Variants in APBA2 observed in about 807,000 individuals in gnomAD.
The protein encoded by APBA2 is amyloid-beta A4 precursor protein-binding family A member 2.
APBA2 carries 30 observed loss-of-function variants against 75.0 expected under a neutral mutation model. The ratio of observed to expected loss-of-function variants is 0.40; its 90% confidence interval spans 0.30 to 0.54. The LOEUF (loss-of-function observed/expected upper bound fraction) is 0.54, where lower values mean the gene tolerates loss of function less well. APBA2 is among the 20% of genes least tolerant of loss of function. APBA2 has a pLI of 0.49. For synonymous variants in APBA2, 444 were observed against 409.6 expected (o/e 1.08, Z -1.01); for missense variants, 801 against 1,016.1 (o/e 0.79, Z 2.88).
intron 1 of APBA2, among the ~76,000 whole-genome samples, chr15:28,898,038 T>TG: frequency 1.3e-5 from 2 of 152,230 alleles, no homozygotes; most frequent in Middle Eastern, 3.4e-3. Context: ...ATTGGAGTGA[T>TG]GCGGCCACAG....
At chr15:28,958,393 A>C (rs2036285753) in intron 2 of APBA2, among the ~76,000 whole-genome samples, 1 of 152,250 alleles carries the variant, frequency 6.6e-6, no homozygotes, top group South Asian at 2.1e-4. Flanking sequence ...GCCTGTCCTC[A>C]CTGATCCAGG....
chr15:28,887,585 CTG>C (rs1484797067), intron 1 of APBA2, among the ~76,000 whole-genome samples: 1 of 152,164 alleles, frequency 6.6e-6, no homozygotes, highest in Non-Finnish European at 1.5e-5. Flanking sequence ...GCCCTGCCCT[CTG>C]TGCTGATTCC....
At chr15:29,042,938 C>T (rs958139322) in intron 3 of APBA2, among the ~76,000 whole-genome samples, 1 of 152,092 alleles carries the variant, frequency 6.6e-6, no homozygotes, top group Non-Finnish European at 1.5e-5. Flanking sequence ...TGTTCAGTTG[C>T]CCTCTTATCT....
rs111409231 is a variant in APBA2 at position 29,025,489 on chromosome 15, G to A, written c.-40-28356G>A. On this transcript the variant is annotated intron_variant, in intron 3 of 14. Coordinates refer to ENST00000683413, the MANE Select transcript of APBA2 (RefSeq NM_001353788.2). ...TCACCGTGTTAGCCAGGATGGTCTCGATTCGATCTCTTGACCTTGTGATCC... is the reference window on the plus strand; with the variant it reads ...TCACCGTGTTAGCCAGGATGGTCTCAATTCGATCTCTTGACCTTGTGATCC... 0.014 allele frequency among the ~76,000 whole-genome samples: 1,099 copies of A among 75,928 alleles called. 19 individuals carry two copies. The African/African-American group carries it at 0.29, about 20-fold the overall frequency. The allele number at this position is 75,928 out of a possible 152,430, so 49.8% of individuals were successfully genotyped here. A position where few individuals can be genotyped will look rare whatever the true frequency, so the allele number is the denominator to read the frequency against.
intron 2 of APBA2, among the ~76,000 whole-genome samples, chr15:28,941,850 G>T (rs926424046): frequency 1.3e-5 from 2 of 152,100 alleles, no homozygotes; most frequent in Non-Finnish European, 2.9e-5. Context: ...TCCGCCTCCC[G>T]GGTTCACACC....
chr15:29,016,607 A>C (rs1401629807), intron 3 of APBA2, among the ~76,000 whole-genome samples: 1 of 152,182 alleles, frequency 6.6e-6, no homozygotes, highest in Admixed American at 6.5e-5. Context: ...GAGCCAGGGG[A>C]AAACTGGGAA....
chr15:29,069,147 C>T (rs2042508245), intron 4 of APBA2, among the ~76,000 whole-genome samples: 1 of 152,202 alleles, frequency 6.6e-6, no homozygotes, highest in East Asian at 1.9e-4. Context: ...ATTTCATCAT[C>T]ATGTTTTCAG....
At chr15:29,091,909 A>G (rs2043591876) in intron 6 of APBA2, among the ~76,000 whole-genome samples, 1 of 152,064 alleles carries the variant, frequency 6.6e-6, no homozygotes, top group African/African-American at 2.4e-5. Flanking sequence ...CTGGAGCAGG[A>G]GGGGAGCCAG....
intron 1 of APBA2, among the ~76,000 whole-genome samples, chr15:28,895,840 T>C (rs140276813): frequency 0.55 from 83,987 of 151,848 alleles, 24,223 homozygotes; most frequent in African/African-American, 0.71. Context: ...AGGCTGGGCA[T>C]GGTGGTTCAT....
chr15:28,968,763 C>CAGGCCCT (rs944158906), intron 2 of APBA2, among the ~76,000 whole-genome samples: 8 of 152,154 alleles, frequency 5.3e-5, no homozygotes, highest in Admixed American at 4.6e-4. Flanking sequence ...GTCATTAGGG[C>CAGGCCCT]AGGCCCTAAT....
chr15:29,062,466 CTTG>C (rs1320032420), intron 4 of APBA2, among the ~76,000 whole-genome samples: 1 of 152,146 alleles, frequency 6.6e-6, no homozygotes, highest in African/African-American at 2.4e-5. Flanking sequence ...AGCTTCTGAA[CTTG>C]ATGTTCAGAA....
intron 1 of APBA2, among the ~76,000 whole-genome samples, chr15:28,911,552 A>G (rs560266185): frequency 6.6e-6 from 1 of 152,256 alleles, no homozygotes; most frequent in East Asian, 1.9e-4. Flanking sequence ...TCTCATTTAC[A>G]TGTCTCTGGA....
chr15:28,905,726 A>G (rs542618717), intron 1 of APBA2, among the ~76,000 whole-genome samples: 1 of 152,244 alleles, frequency 6.6e-6, no homozygotes, highest in African/African-American at 2.4e-5. Context: ...TCTTCTAGCA[A>G]TTATCTTGTA....
Position 29,025,206 on chromosome 15 carries a change from G to T in APBA2, c.-40-28639G>T, listed in dbSNP as rs146998608. ...TGAACTTCTGTTAACCTCAAAAGGGGAAAGCACCAGGTTCAAGGCTGAAGA... is the reference window on the plus strand; with the variant it reads ...TGAACTTCTGTTAACCTCAAAAGGGTAAAGCACCAGGTTCAAGGCTGAAGA... On this transcript the variant is annotated intron_variant, in intron 3 of 14. Transcript: ENST00000683413. Among the ~76,000 whole-genome samples the T allele has an allele frequency of 5.3e-3, 801 of 152,048 alleles. 10 individuals are homozygous for T. The highest frequency in any genetic ancestry group is 0.019 in the African/African-American group (773 of 41,480).
chr15:28,976,833 TA>T (rs1203430615), intron 2 of APBA2, among the ~76,000 whole-genome samples: 1 of 152,224 alleles, frequency 6.6e-6, no homozygotes, highest in Non-Finnish European at 1.5e-5. Context: ...ATTAGACCCA[TA>T]ACATTCAGCA....
At chr15:29,076,252 C>T (rs1451389952) in intron 6 of APBA2, among the ~76,000 whole-genome samples, 161 bp downstream of exon 6, 1 of 152,196 alleles carries the variant, frequency 6.6e-6, no homozygotes, top group African/African-American at 2.4e-5. Flanking sequence ...TGTGTAGCCC[C>T]ACTTAGTGGG....
intron 3 of APBA2, among the ~76,000 whole-genome samples, chr15:29,033,374 G>A (rs1457623528): frequency 6.6e-6 from 1 of 152,052 alleles, no homozygotes; most frequent in African/African-American, 2.4e-5. Context: ...TGTATTAATA[G>A]TTCCCTGTGC....
At chr15:28,959,845 A>G (rs1375816598) in intron 2 of APBA2, among the ~76,000 whole-genome samples, 1 of 152,188 alleles carries the variant, frequency 6.6e-6, no homozygotes, top group Non-Finnish European at 1.5e-5. Flanking sequence ...GACAAGCTTC[A>G]GTTAACAACA....
chr15:29,113,302 C>A (rs2044842775), intron 13 of APBA2, among the ~76,000 whole-genome samples: 1 of 151,772 alleles, frequency 6.6e-6, no homozygotes, highest in African/African-American at 2.4e-5. Context: ...CTGTCTCCAA[C>A]AAAACCAGAA....
Sources: allele counts gnomAD v4.1 joint callset (sites outside exome capture counted in the v4.1 genomes callset), GRCh38; gene constraint gnomAD v4.1.1; transcripts MANE v1.5; gene names NCBI Gene and HGNC (gene_info 2026-07-23, HGNC 2026-07-21).